Variants in CHM observed in about 807,000 individuals in gnomAD.
CHM encodes CHM Rab escort protein.
A neutral mutation model predicts 49.0 loss-of-function variants in CHM; 10 were observed. The ratio of observed to expected loss-of-function variants is 0.20; its 90% CI spans 0.13 to 0.35. The LOEUF (loss-of-function observed/expected upper bound fraction) is 0.35. Among genes scored for constraint, CHM ranks in the 10% least tolerant of loss-of-function variants. The pLI is 1.00. For synonymous variants in CHM, 184 were observed against 167.5 expected, an observed-to-expected ratio of 1.10 and a Z score of -0.76; for missense variants, 455 against 478.4, an observed-to-expected ratio of 0.95 and a Z score of 0.46.
Position 85,864,703 on chromosome X carries a change from G to A in CHM, c.1889C>T (p.Ala630Val), listed in dbSNP as rs771080739. The A allele has an allele frequency of 8.3e-7, 1 of 1,209,037 alleles. No individual in the cohort carries two copies. Among genetic ancestry groups the A allele is most frequent in the Admixed American group, 2.2e-5 (1 of 45,890 alleles). Residue 630 changes from alanine to valine, a missense_variant, in exon 15 of 15, where the codon GCC (alanine) becomes GTC (valine). Ala to Val is a moderately conservative substitution (Grantham distance 64). Coordinates refer to ENST00000357749, the MANE Select transcript of CHM (RefSeq NM_000390.4). ...SLQPEASESSAIPEANSETFK... is the reference protein window; with the variant it reads ...SLQPEASESSVIPEANSETFK... ...AGTCTCCGAGTTAGCCTCTGGTATGGCACTGGATTCTGAAGCCTCTGGCTG... is the reference window on the plus strand; with the variant it reads ...AGTCTCCGAGTTAGCCTCTGGTATGACACTGGATTCTGAAGCCTCTGGCTG...
intron 4 of CHM, among the ~76,000 whole-genome samples, chrX:85,977,454 C>T (rs1394778647): frequency 1.8e-5 from 2 of 112,036 alleles, no homozygotes; most frequent in Admixed American, 1.9e-4. Flanking sequence ...ATTTTCTTTG[C>T]ACTCAAAATG....
At chrX:85,876,722 A>G (rs2148124245) in intron 13 of CHM, among the ~76,000 whole-genome samples, 1 of 111,531 alleles carries the variant, frequency 9.0e-6, no homozygotes, top group South Asian at 3.7e-4. Context: ...GCACCTGAGG[A>G]CCCTTCTGAG....
At chrX:85,890,615 C>T (rs956936322) in intron 12 of CHM, among the ~76,000 whole-genome samples, 1 of 112,053 alleles carries the variant, frequency 8.9e-6, no homozygotes, top group Admixed American at 9.4e-5. Context: ...GTAAGAAGTG[C>T]CTTTTGCCTC....
At chrX:86,041,474 C>A (rs1192690952) in intron 1 of CHM, among the ~76,000 whole-genome samples, 1 of 109,451 alleles carries the variant, frequency 9.1e-6, no homozygotes, top group African/African-American at 3.3e-5. Flanking sequence ...TACTATACCT[C>A]AAATAAGACC....
At chrX:86,015,496 G>C (rs181511854) in intron 2 of CHM, among the ~76,000 whole-genome samples, 34 of 112,022 alleles carry the variant, frequency 3.0e-4, no homozygotes, top group African/African-American at 9.1e-4. Context: ...ACTCGAAAAT[G>C]TGGAAGTGAC....
intron 6 of CHM, among the ~76,000 whole-genome samples, chrX:85,958,512 T>G (rs182274173): frequency 3.7e-4 from 41 of 111,210 alleles, no homozygotes; most frequent in African/African-American, 1.2e-3. Context: ...TCCTCCTCTG[T>G]GTGGAATCTG....
intron 8 of CHM, among the ~76,000 whole-genome samples, chrX:85,944,339 T>C: frequency 1.8e-5 from 2 of 111,929 alleles, no homozygotes; most frequent in Middle Eastern, 4.6e-3. Flanking sequence ...GACTCTGCAA[T>C]GAAGAAGGGG....
intron 8 of CHM, among the ~76,000 whole-genome samples, chrX:85,933,072 C>T (rs1928530631): frequency 9.0e-6 from 1 of 110,869 alleles, no homozygotes; most frequent in South Asian, 3.9e-4. Flanking sequence ...AAGCCAGGCA[C>T]AGTGGTGTGC....
intron 8 of CHM, among the ~76,000 whole-genome samples, chrX:85,944,007 C>A (rs1190465615): frequency 9.0e-6 from 1 of 111,435 alleles, no homozygotes; most frequent in Admixed American, 9.5e-5. Context: ...TAATCTAACT[C>A]CAACTTGTTA....
intron 11 of CHM, among the ~76,000 whole-genome samples, chrX:85,895,645 T>C (rs1369295673): frequency 3.6e-5 from 4 of 111,973 alleles, no homozygotes; most frequent in Admixed American, 2.8e-4. Context: ...CTAAAACAAA[T>C]TTTACATAGA....
Position 86,012,525 on chromosome X carries a change from T to C in CHM, c.116+14966A>G, listed in dbSNP as rs1044963989. On this transcript the variant is annotated intron_variant, in intron 2 of 14. Coordinates refer to ENST00000357749, the MANE Select transcript of CHM (RefSeq NM_000390.4). ...TTCTATACATCTCTGGAATGCCATGTTGAAACTCATTTTACAACCCTAAGC... is the reference window on the plus strand; with the variant it reads ...TTCTATACATCTCTGGAATGCCATGCTGAAACTCATTTTACAACCCTAAGC... 5.4e-5 allele frequency among the ~76,000 whole-genome samples: 6 copies of C among 111,753 alleles called. No homozygotes were observed. In the Admixed American group the frequency reaches 5.7e-4, roughly 11 times the overall value.
chrX:85,981,472 G>T (rs768083530), intron 3 of CHM, among the ~76,000 whole-genome samples: 1 of 110,180 alleles, frequency 9.1e-6, no homozygotes, highest in African/African-American at 3.3e-5. Context: ...GACATCAGGT[G>T]ATCCGCCCAC....
intron 4 of CHM, among the ~76,000 whole-genome samples, chrX:85,976,793 G>A (rs1414371662): frequency 1.8e-5 from 2 of 108,114 alleles, no homozygotes; most frequent in Non-Finnish European, 3.8e-5. Context: ...TCTCCATGTG[G>A]TTCTCAGTTT....
intron 4 of CHM, among the ~76,000 whole-genome samples, chrX:85,973,855 G>A (rs1234604801): frequency 1.8e-5 from 2 of 112,167 alleles, no homozygotes; most frequent in Non-Finnish European, 3.8e-5. Context: ...CCATATGGCT[G>A]TGGATGGAAA....
At chrX:85,873,855 A>C (rs751709555) in intron 13 of CHM, among the ~76,000 whole-genome samples, 1 of 111,967 alleles carries the variant, frequency 8.9e-6, no homozygotes, top group East Asian at 2.8e-4. Context: ...TGTTGTCCTA[A>C]CTCACATCCT....
intron 1 of CHM, among the ~76,000 whole-genome samples, chrX:86,031,631 G>A (rs1303332940): frequency 1.8e-5 from 2 of 112,130 alleles, no homozygotes; most frequent in Non-Finnish European, 3.8e-5. Flanking sequence ...ACCTGAGGTC[G>A]GGAGTTCGAG....
In CHM at chrX:85,864,619, G is replaced by A; in HGVS notation, c.*11C>T. 2.5e-6 allele frequency: 3 copies of A among 1,195,942 alleles called. No individual in the cohort carries two copies. The highest frequency in any genetic ancestry group is 3.4e-6 in the Non-Finnish European group (3 of 882,385). ...TTTCCAAAGTTGGGTATCCAGTTTG[G>A]TGTATATCCATTATTCAGAGGACTC... On this transcript the variant is annotated 3_prime_UTR_variant, in exon 15 of 15. Transcript: ENST00000357749.
At chrX:86,008,279 A>T (rs375584264) in intron 2 of CHM, among the ~76,000 whole-genome samples, 34 of 111,221 alleles carry the variant, frequency 3.1e-4, no homozygotes, top group South Asian at 1.5e-3. Flanking sequence ...CTGGGGGAAG[A>T]ATAGCATTAG....
At chrX:86,009,594 C>G (rs964548206) in intron 2 of CHM, among the ~76,000 whole-genome samples, 2 of 112,503 alleles carry the variant, frequency 1.8e-5, no homozygotes, top group Admixed American at 1.9e-4. Flanking sequence ...TCTTATTCCA[C>G]TGTATATCCA....
Sources: gnomAD v4.1 joint callset for allele counts (sites outside exome capture counted in the v4.1 genomes callset) on GRCh38, gnomAD v4.1.1 for gene constraint, MANE v1.5 for transcripts, NCBI Gene and HGNC (gene_info 2026-07-23, HGNC 2026-07-21) for gene names.